CELSR1: variants seen among roughly 807,000 people sequenced by gnomAD.
The protein encoded by CELSR1 is cadherin EGF LAG seven-pass G-type receptor 1.
In CELSR1, 110 loss-of-function variants were observed where a neutral mutation model predicts 249.1. The observed-to-expected ratio is 0.44, with a 90% CI of 0.38 to 0.52. CELSR1 has a LOEUF of 0.52. Among genes scored for constraint, CELSR1 ranks in the 20% least tolerant of loss-of-function variants. The pLI, the probability that CELSR1 is intolerant of heterozygous loss-of-function variation, is 0.00. For missense variants in CELSR1, 4,109 were observed against 4,296.4 expected (o/e 0.96, Z 1.22); for synonymous variants, 2,113 against 1,900.0 (o/e 1.11, Z -2.92).
intron 5 of CELSR1, among the ~76,000 whole-genome samples, chr22:46,432,066 C>G (rs1438464097): frequency 6.6e-6 from 1 of 152,222 alleles, no homozygotes; most frequent in African/African-American, 2.4e-5. Flanking sequence ...AAATGAGGCT[C>G]AAGCTCCACC....
chr22:46,382,874 G>C (rs2078994107), intron 20 of CELSR1, among the ~76,000 whole-genome samples: 1 of 152,200 alleles, frequency 6.6e-6, no homozygotes, highest in African/African-American at 2.4e-5. Context: ...AAGAACGGTA[G>C]GCACCAGGGG....
chr22:46,425,845 T>G (rs1244911188), intron 5 of CELSR1, among the ~76,000 whole-genome samples: 2 of 152,208 alleles, frequency 1.3e-5, no homozygotes, highest in Non-Finnish European at 2.9e-5. Context: ...TATTCTAGGT[T>G]CTTGAAGCAG....
In CELSR1 at chr22:46,413,394, T is replaced by G. The variant is rs929542083; in HGVS notation, c.4612-1635A>C. On this transcript the variant is annotated intron_variant, in intron 5 of 34. Transcript: ENST00000674500. This position sits in a 1 kb window ranked among gnomAD's most constrained non-coding sequence, Gnocchi z 4.7. ...AGTGGGCAGCCTGCACAACTGTATGTGGCCACCCCAGCTGAGGCTTCTCCT... is the reference window on the plus strand; with the variant it reads ...AGTGGGCAGCCTGCACAACTGTATGGGGCCACCCCAGCTGAGGCTTCTCCT... 7.9e-5 allele frequency among the ~76,000 whole-genome samples: 12 copies of G among 152,188 alleles called. No individual in the cohort carries two copies. The highest frequency in any genetic ancestry group is 1.3e-4 in the Non-Finnish European group (9 of 68,032).
chr22:46,470,171 C>T (rs1223380379), intron 1 of CELSR1, among the ~76,000 whole-genome samples: 2 of 150,098 alleles, frequency 1.3e-5, no homozygotes, highest in Admixed American at 1.3e-4. Flanking sequence ...TGTTTACTTC[C>T]TCGTGGCAGT....
intron 17 of CELSR1, 77 bp from the exon 18 acceptor site, chr22:46,389,576 A>G (rs1309080343): frequency 6.4e-6 from 9 of 1,401,022 alleles, no homozygotes; most frequent in Non-Finnish European, 9.0e-6. Context: ...TCAGCAACTC[A>G]CTACTGTCTG....
intron 1 of CELSR1, among the ~76,000 whole-genome samples, chr22:46,509,636 T>C (rs3788723): frequency 0.66 from 99,644 of 152,040 alleles, 32,912 homozygotes; most frequent in East Asian, 0.77. Context: ...AGGCCCTGAA[T>C]ATCAGCAGTG....
At chr22:46,532,447 T>C (rs962446641) in intron 1 of CELSR1, among the ~76,000 whole-genome samples, 1 of 152,246 alleles carries the variant, frequency 6.6e-6, no homozygotes, top group African/African-American at 2.4e-5. Context: ...TCACATCTTA[T>C]AAGCAAACTG....
intron 1 of CELSR1, among the ~76,000 whole-genome samples, chr22:46,494,629 C>T (rs545469505): frequency 1.3e-5 from 2 of 152,264 alleles, no homozygotes; most frequent in South Asian, 4.1e-4. Flanking sequence ...ATGCCTCAGC[C>T]TCCAGAGTAG....
At chr22:46,533,357 G>A (rs1243883154) in intron 1 of CELSR1, among the ~76,000 whole-genome samples, 1 of 152,248 alleles carries the variant, frequency 6.6e-6, no homozygotes, top group Admixed American at 6.5e-5. Context: ...GCCTGCTGAG[G>A]AAGGCGCTGA....
intron 1 of CELSR1, among the ~76,000 whole-genome samples, chr22:46,513,831 G>A (rs951797718): frequency 3.3e-5 from 5 of 151,960 alleles, no homozygotes; most frequent in Admixed American, 1.3e-4. Flanking sequence ...TTGCTCTGTC[G>A]CCCAGGCTGG....
At position 46,534,249 on chromosome 22, in the gene CELSR1, G is replaced by A. The variant is rs1979542534; in HGVS notation, c.2922C>T (p.Gly974=). The A allele has an allele frequency of 2.7e-5, 44 of 1,613,568 alleles. No individual in the cohort carries two copies. Among genetic ancestry groups the A allele is most frequent in the Non-Finnish European group, 3.6e-5 (42 of 1,180,024 alleles). Residue 974 remains glycine (G), a synonymous_variant, in exon 1 of 35, where the codon GGC becomes GGT. Transcript: ENST00000674500. The surrounding 1 kb of genome is among the most constrained non-coding windows in gnomAD (Gnocchi z 9.7). ...CCGAGGCGCTAAGGGGAGTGGGACT[G>A]CCCCGATCCACAGCCAGAGCCCAAA... ...YNLWALAVDR[G]SPTPLSASVE... is the part of the protein sequence containing the mutation.
At chr22:46,366,768 A>C (rs904937871) in intron 29 of CELSR1, among the ~76,000 whole-genome samples, 1 of 152,100 alleles carries the variant, frequency 6.6e-6, no homozygotes, top group Non-Finnish European at 1.5e-5. Flanking sequence ...TCTCTTTCTA[A>C]GGCCTGGAAG....
intron 5 of CELSR1, among the ~76,000 whole-genome samples, chr22:46,418,330 A>G (rs1426640512): frequency 6.6e-6 from 1 of 151,956 alleles, no homozygotes; most frequent in Non-Finnish European, 1.5e-5. Context: ...AAAAAATACA[A>G]AAAAAATTAG....
rs573837197 is a variant in CELSR1, at chr22:46,381,800, G to A, written c.7088+46C>T. ...ATTTTGACCTGTGGAAGCCTCAGGA[G>A]CCTCCAGAACGGGCCCTCCCCGTGT... On this transcript the variant is annotated intron_variant, in intron 21 of 34. Transcript: ENST00000674500. The surrounding 1 kb of genome is among the most constrained non-coding windows in gnomAD (Gnocchi z 6.0). The A allele has an allele frequency of 3.5e-4, 524 of 1,500,964 alleles. 4 individuals are homozygous for A. Among genetic ancestry groups the A allele is most frequent in the South Asian group, 3.5e-3 (290 of 83,078 alleles). The allele number at this position is 1,500,964 out of a possible 1,614,324, so 93.0% of individuals were successfully genotyped here. A position where few individuals can be genotyped will look rare whatever the true frequency, so the allele number is the denominator to read the frequency against.
At chr22:46,364,346 C>A in intron 33 of CELSR1, 95 bp from the exon 34 acceptor site, 2 of 1,544,332 alleles carry the variant, frequency 1.3e-6, no homozygotes, top group South Asian at 1.2e-5. Flanking sequence ...AGCCCCTGTC[C>A]TTCCTCCTGG....
Position 46,517,721 on chromosome 22 carries a change from C to T in CELSR1, c.3544+15906G>A, listed in dbSNP as rs749169775. 5.9e-5 allele frequency among the ~76,000 whole-genome samples: 9 copies of T among 152,088 alleles called. No homozygotes were observed. Among genetic ancestry groups the T allele is most frequent in the Non-Finnish European group, 1.0e-4 (7 of 68,022 alleles). Reference sequence around the variant, plus strand: ...CTCTTTGAAGAATTGGGAGAACTTGCGATTATGTGTTAGAATTTTCCATGC... The same window carrying T: ...CTCTTTGAAGAATTGGGAGAACTTGTGATTATGTGTTAGAATTTTCCATGC... On this transcript the variant is annotated intron_variant, in intron 1 of 34. Coordinates refer to ENST00000674500, the MANE Select transcript of CELSR1 (RefSeq NM_001378328.1). This position sits in a 1 kb window ranked among gnomAD's most constrained non-coding sequence, Gnocchi z 5.4.
At chr22:46,482,819 G>A (rs2080279197) in intron 1 of CELSR1, among the ~76,000 whole-genome samples, 1 of 152,186 alleles carries the variant, frequency 6.6e-6, no homozygotes, top group Non-Finnish European at 1.5e-5. Flanking sequence ...AGGCATCCCT[G>A]GAGAACAGGG....
At chr22:46,420,796 C>G (rs560473636) in intron 5 of CELSR1, among the ~76,000 whole-genome samples, 30 of 152,290 alleles carry the variant, frequency 2.0e-4, no homozygotes, top group African/African-American at 7.2e-4. Context: ...CAGCCTCCCT[C>G]CCTCCTGGCC....
intron 1 of CELSR1, chr22:46,530,252 G>T: frequency 6.6e-6 from 1 of 152,352 alleles, no homozygotes; most frequent in South Asian, 1.8e-4. Context: ...TGGGGCAAGA[G>T]AGCAAGACCC....
Sources: gnomAD v4.1 joint callset for allele counts (sites outside exome capture counted in the v4.1 genomes callset) on GRCh38, gnomAD v4.1.1 for gene constraint, Gnocchi (gnomAD v3.1) non-coding constraint, MANE v1.5 for transcripts, NCBI Gene and HGNC (gene_info 2026-07-23, HGNC 2026-07-21) for gene names.